ONECUT2: variants seen among roughly 807,000 people sequenced by gnomAD.
ONECUT2 encodes one cut homeobox 2.
A neutral mutation model predicts 27.9 loss-of-function variants in ONECUT2; 10 were observed. That is an observed-to-expected ratio of 0.36 (90% CI 0.22 to 0.61). ONECUT2 has a LOEUF of 0.61. Ranked by LOEUF, ONECUT2 falls within the 20% of genes least tolerant of loss-of-function variation. The probability of loss-of-function intolerance (pLI) is 0.73; values close to 1 mark genes in which losing one functional copy is unlikely to be tolerated. For missense variants in ONECUT2, 686 were observed against 721.0 expected, an observed-to-expected ratio of 0.95 and a Z score of 0.56; for synonymous variants, 334 against 315.1, an observed-to-expected ratio of 1.06 and a Z score of -0.64.
rs376473420 is a variant in ONECUT2 at position 57,445,914 on chromosome 18, C to G, written c.1228+8970C>G. 4.6e-5 allele frequency among the ~76,000 whole-genome samples: 7 copies of G among 152,234 alleles called. No individual in the cohort carries two copies. The East Asian group carries it at 5.8e-4, about 13-fold the overall frequency. ...CTAATTGCTTTATTGGTAGCACTGA[C>G]CTGCAGAGCAGCTGCAGGAGCCTGG... On this transcript the variant is annotated intron_variant, in intron 1 of 1. Coordinates refer to ENST00000491143, the MANE Select transcript of ONECUT2 (RefSeq NM_004852.3).
intron 1 of ONECUT2, among the ~76,000 whole-genome samples, chr18:57,447,821 CTG>C (rs1338498167): frequency 6.6e-6 from 1 of 152,200 alleles, no homozygotes; most frequent in Admixed American, 6.5e-5. Flanking sequence ...GGAGAACCAA[CTG>C]TGGAGCATCA....
intron 1 of ONECUT2, among the ~76,000 whole-genome samples, chr18:57,451,290 T>C (rs1312746226): frequency 6.6e-6 from 1 of 152,262 alleles, no homozygotes; most frequent in African/African-American, 2.4e-5. Context: ...AATGCATTGC[T>C]GTGCTGCATG....
chr18:57,437,080 C>G, intron 1 of ONECUT2, 136 bp downstream of exon 1: 1 of 1,408,216 alleles, frequency 7.1e-7, no homozygotes, highest in East Asian at 2.5e-5. Flanking sequence ...TCTTTCTTCT[C>G]GTTTTTATTT....
chr18:57,479,823 C>T lies in ONECUT2; in HGVS notation c.*3100C>T, dbSNP rs2050406606. 1 of 152,148 alleles carries T rather than the reference C, an allele frequency of 6.6e-6. No homozygotes were observed. The highest frequency in any genetic ancestry group is 2.1e-4 in the South Asian group (1 of 4,808). The allele number at this position is 152,148 out of a possible 1,614,324, so 9.4% of individuals were successfully genotyped here. Reference sequence around the variant, plus strand: ...CAGAAATCTGTTCTCCAGGAGCTGCCCTGTCCCATCTGGGTGTGCCAGACC... The same window carrying T: ...CAGAAATCTGTTCTCCAGGAGCTGCTCTGTCCCATCTGGGTGTGCCAGACC... On this transcript the variant is annotated 3_prime_UTR_variant, in exon 2 of 2. Coordinates refer to ENST00000491143, the MANE Select transcript of ONECUT2 (RefSeq NM_004852.3).
chr18:57,444,385 G>C, intron 1 of ONECUT2: 1 of 456,764 alleles, frequency 2.2e-6, no homozygotes, highest in South Asian at 1.5e-5. Flanking sequence ...TATTTGGAGA[G>C]GCCACAGGCA....
intron 1 of ONECUT2, among the ~76,000 whole-genome samples, chr18:57,470,206 G>A (rs948316878): frequency 2.0e-5 from 3 of 152,270 alleles, no homozygotes; most frequent in South Asian, 2.1e-4. Flanking sequence ...GGGCTGTCCC[G>A]TCCAAGATGG....
At chr18:57,460,508 A>G (rs762443990) in intron 1 of ONECUT2, among the ~76,000 whole-genome samples, 14 of 151,722 alleles carry the variant, frequency 9.2e-5, no homozygotes, top group Admixed American at 2.0e-4. Context: ...TTTTTGCTTT[A>G]TGATATATCT....
rs140018175 is a variant in ONECUT2, at chr18:57,490,753, C to T, written c.*14030C>T. Reference sequence around the variant, plus strand: ...CTCTTGTTTTATTTTCTTGCTTTCACGGGTATTATTGCCAAGAAAATCGTA... The same window carrying T: ...CTCTTGTTTTATTTTCTTGCTTTCATGGGTATTATTGCCAAGAAAATCGTA... On this transcript the variant is annotated 3_prime_UTR_variant, in exon 2 of 2. Coordinates refer to ENST00000491143, the MANE Select transcript of ONECUT2 (RefSeq NM_004852.3). 1.9e-3 allele frequency: 288 copies of T among 152,110 alleles called. No individual in the cohort carries two copies. Among genetic ancestry groups the T allele is most frequent in the Middle Eastern group, 6.8e-3 (2 of 294 alleles). The allele number at this position is 152,110 out of a possible 1,614,324, so 9.4% of individuals were successfully genotyped here.
At chr18:57,461,035 C>G (rs925840246) in intron 1 of ONECUT2, among the ~76,000 whole-genome samples, 1 of 152,112 alleles carries the variant, frequency 6.6e-6, no homozygotes, top group Non-Finnish European at 1.5e-5. Context: ...TAGTTTTGGC[C>G]TTTTGATCTT....
At position 57,478,972 on chromosome 18, in the gene ONECUT2, A is replaced by C. The variant is rs1030442083; in HGVS notation, c.*2249A>C. ...TGGAATCTCTCAAAAGTTTCCATGG[A>C]CTCCAAGTTTAAGATGTTGGGATAT... On this transcript the variant is annotated 3_prime_UTR_variant, in exon 2 of 2. Coordinates refer to ENST00000491143, the MANE Select transcript of ONECUT2 (RefSeq NM_004852.3). The C allele has an allele frequency of 2.6e-5, 4 of 152,556 alleles. No individual in the cohort carries two copies. The highest frequency in any genetic ancestry group is 4.8e-5 in the African/African-American group (2 of 41,416). The allele number at this position is 152,556 out of a possible 1,614,324, so 9.5% of individuals were successfully genotyped here. A position where few individuals can be genotyped will look rare whatever the true frequency, so the allele number is the denominator to read the frequency against.
At chr18:57,457,747 A>T (rs1243844557) in intron 1 of ONECUT2, among the ~76,000 whole-genome samples, 1 of 152,200 alleles carries the variant, frequency 6.6e-6, no homozygotes, top group Non-Finnish European at 1.5e-5. Context: ...GATAGACTGG[A>T]TTAAGAAAAT....
chr18:57,450,155 C>T (rs907462095), intron 1 of ONECUT2, among the ~76,000 whole-genome samples: 1 of 152,178 alleles, frequency 6.6e-6, no homozygotes, highest in Non-Finnish European at 1.5e-5. Flanking sequence ...AGCTTCTTCT[C>T]TCAAAAGGGG....
In ONECUT2 at chr18:57,487,574, T is replaced by C. The variant is rs1243035127; in HGVS notation, c.*10851T>C. 6.6e-6 allele frequency: 1 copy of C among 152,156 alleles called. No individual in the cohort carries two copies. The highest frequency in any genetic ancestry group is 1.5e-5 in the Non-Finnish European group (1 of 68,034). 9.4% of individuals were successfully genotyped at this position (152,156 alleles called of 1,614,324 possible). On this transcript the variant is annotated 3_prime_UTR_variant, in exon 2 of 2. Transcript: ENST00000491143. ...TTACTAACTCTTCTCTGCCCACTTC[T>C]CTTTTGTCCACTCTCCTAGACATTC...
rs563662468 is a variant in ONECUT2 at position 57,479,002 on chromosome 18, C to G, written c.*2279C>G. On this transcript the variant is annotated 3_prime_UTR_variant, in exon 2 of 2. Transcript: ENST00000491143. ...AAGTTTAAGATGTTGGGATATTGAA[C>G]AGTTCTCTCTGCTCAGCAGAGGGTA... 1.3e-5 allele frequency: 2 copies of G among 152,554 alleles called. No homozygotes were observed. Among genetic ancestry groups the G allele is most frequent in the African/African-American group, 2.4e-5 (1 of 41,416 alleles). The allele number at this position is 152,554 out of a possible 1,614,324, so 9.5% of individuals were successfully genotyped here. A position where few individuals can be genotyped will look rare whatever the true frequency, so the allele number is the denominator to read the frequency against.
chr18:57,457,377 T>C (rs1017178531), intron 1 of ONECUT2, among the ~76,000 whole-genome samples: 7 of 152,140 alleles, frequency 4.6e-5, no homozygotes, highest in African/African-American at 1.7e-4. Context: ...CCCTACTCTA[T>C]GTGCAAGTTC....
intron 1 of ONECUT2, among the ~76,000 whole-genome samples, chr18:57,441,059 C>G (rs2050171562): frequency 1.3e-5 from 2 of 152,162 alleles, no homozygotes; most frequent in Non-Finnish European, 2.9e-5. Flanking sequence ...AGGCGGGACC[C>G]GAGGGAGGAG....
chr18:57,457,530 G>T (rs1298376986), intron 1 of ONECUT2, among the ~76,000 whole-genome samples: 2 of 152,100 alleles, frequency 1.3e-5, no homozygotes, highest in Non-Finnish European at 2.9e-5. Context: ...AGACCCCTCC[G>T]GAGGACCAGT....
intron 1 of ONECUT2, among the ~76,000 whole-genome samples, chr18:57,464,178 C>T (rs2050307720): frequency 6.6e-6 from 1 of 152,030 alleles, no homozygotes; most frequent in Non-Finnish European, 1.5e-5. Context: ...TTATAAGCTG[C>T]CTCATAGGGT....
rs1394173977 is a variant in ONECUT2, at chr18:57,480,214, T to C, written c.*3491T>C. ...TTCATCCTTCCTAGGAGATTGTTCATTGGCTCTTCCCTTGTGTCCCTTTGT... is the reference window on the plus strand; with the variant it reads ...TTCATCCTTCCTAGGAGATTGTTCACTGGCTCTTCCCTTGTGTCCCTTTGT... On this transcript the variant is annotated 3_prime_UTR_variant, in exon 2 of 2. Transcript: ENST00000491143. The C allele has an allele frequency of 1.3e-5, 2 of 152,240 alleles. No individual in the cohort carries two copies. The highest frequency in any genetic ancestry group is 6.5e-5 in the Admixed American group (1 of 15,278). 9.4% of individuals were successfully genotyped at this position (152,240 alleles called of 1,614,324 possible).
Sources: allele counts gnomAD v4.1 joint callset (sites outside exome capture counted in the v4.1 genomes callset), GRCh38; gene constraint gnomAD v4.1.1; transcripts MANE v1.5; gene names NCBI Gene and HGNC (gene_info 2026-07-23, HGNC 2026-07-21).